Variants in PDE8A observed in about 807,000 individuals in gnomAD.
PDE8A encodes high affinity cAMP-specific and IBMX-insensitive 3',5'-cyclic phosphodiesterase 8A.
A neutral mutation model predicts 105.0 loss-of-function variants in PDE8A; 59 were observed. The ratio of observed to expected loss-of-function variants is 0.56; its 90% CI spans 0.46 to 0.70. The LOEUF is 0.70. Among genes scored for constraint, PDE8A ranks in the 30% least tolerant of loss-of-function variants. The pLI is 0.00. For missense variants in PDE8A, 1,014 were observed against 1,045.9 expected (o/e 0.97, Z 0.42); for synonymous variants, 355 against 371.9 (o/e 0.95, Z 0.52).
chr15:85,017,089 G>A lies in PDE8A; in HGVS notation c.186+34741G>A, dbSNP rs1034664022. Among the ~76,000 whole-genome samples the A allele has an allele frequency of 5.3e-5, 8 of 150,430 alleles. No individual in the cohort carries two copies. The South Asian group carries it at 1.7e-3, about 32-fold the overall frequency. On this transcript the variant is annotated intron_variant, in intron 1 of 21. Transcript: ENST00000394553. ...ATCCTGGCTAACAAGGTGAAACCCC[G>A]TCTCTACTAAAAATACAAAAAATTA...
At chr15:85,064,677 G>C (rs1351329992) in intron 2 of PDE8A, among the ~76,000 whole-genome samples, 1 of 152,152 alleles carries the variant, frequency 6.6e-6, no homozygotes, top group Non-Finnish European at 1.5e-5. Context: ...CAATAGGTCA[G>C]GCACGGTGGC....
At chr15:85,111,257 T>G (rs2082016522) in intron 12 of PDE8A, among the ~76,000 whole-genome samples, 1 of 152,240 alleles carries the variant, frequency 6.6e-6, no homozygotes, top group Admixed American at 6.5e-5. Context: ...CTATTATTAC[T>G]TGCGCTTTTT....
chr15:84,993,727 AT>A (rs149831920), intron 1 of PDE8A, among the ~76,000 whole-genome samples: 11,853 of 151,218 alleles, frequency 0.078, 586 homozygotes, highest in Middle Eastern at 0.15. Context: ...ATAAAAAAAA[AT>A]AATAATAAAT....
chr15:85,012,633 GCACA>G (rs1445939821), intron 1 of PDE8A, among the ~76,000 whole-genome samples: 1 of 151,262 alleles, frequency 6.6e-6, no homozygotes, highest in Non-Finnish European at 1.5e-5. Context: ...CACCAGCATG[GCACA>G]TGTATACATA....
intron 1 of PDE8A, among the ~76,000 whole-genome samples, chr15:85,056,209 T>C (rs537991410): frequency 6.6e-6 from 1 of 152,330 alleles, no homozygotes; most frequent in East Asian, 1.9e-4. Context: ...CCTTTGTGGG[T>C]AACCCGACCT....
intron 5 of PDE8A, among the ~76,000 whole-genome samples, chr15:85,078,590 TC>T (rs2081417585): frequency 6.7e-6 from 1 of 149,796 alleles, no homozygotes; most frequent in Non-Finnish European, 1.5e-5. Flanking sequence ...GAAAAGAACT[TC>T]CTAGAATTTT....
chr15:85,128,612 C>T (rs75652063), intron 20 of PDE8A, among the ~76,000 whole-genome samples: 9,892 of 152,216 alleles, frequency 0.065, 523 homozygotes, highest in African/African-American at 0.13. Context: ...GCAAGCCATA[C>T]TGGAGGAAAA....
chr15:85,014,873 G>T (rs1451328903), intron 1 of PDE8A, among the ~76,000 whole-genome samples: 1 of 152,098 alleles, frequency 6.6e-6, no homozygotes, highest in Non-Finnish European at 1.5e-5. Context: ...ATCCTAGAAT[G>T]TTTTCATCAA....
chr15:85,068,622 C>T (rs992066651), intron 3 of PDE8A, among the ~76,000 whole-genome samples: 1 of 151,116 alleles, frequency 6.6e-6, no homozygotes, highest in Non-Finnish European at 1.5e-5. Flanking sequence ...ATCTAAATTA[C>T]ATGGTGCTTG....
chr15:85,029,416 C>CTT (rs34741081), intron 1 of PDE8A, among the ~76,000 whole-genome samples: 29,195 of 139,552 alleles, frequency 0.21, 3,997 homozygotes, highest in Middle Eastern at 0.34. Flanking sequence ...CCTCACGGGT[C>CTT]TTTTTTTTTT....
At chr15:85,083,881 TA>T (rs1275985931) in intron 6 of PDE8A, among the ~76,000 whole-genome samples, 5 of 152,142 alleles carry the variant, frequency 3.3e-5, no homozygotes, top group Non-Finnish European at 5.9e-5. Context: ...ATAGTAAGTT[TA>T]AAAAGCAGAA....
chr15:85,020,914 A>G (rs1314737336), intron 1 of PDE8A, among the ~76,000 whole-genome samples: 1 of 152,184 alleles, frequency 6.6e-6, no homozygotes. Context: ...TTGTTACAGT[A>G]TTGTTAGTAC....
chr15:85,128,829 G>T (rs2082293763), intron 20 of PDE8A, among the ~76,000 whole-genome samples: 1 of 152,162 alleles, frequency 6.6e-6, no homozygotes, highest in African/African-American at 2.4e-5. Flanking sequence ...AAACCACAGT[G>T]AAATACCACT....
At chr15:85,129,210 A>G (rs555622968) in intron 20 of PDE8A, among the ~76,000 whole-genome samples, 13 of 152,178 alleles carry the variant, frequency 8.5e-5, no homozygotes, top group African/African-American at 3.1e-4. Context: ...TTGGCCTGCA[A>G]TTTTCTTGTA....
At chr15:84,982,378 C>A in intron 1 of PDE8A, 30 bp downstream of exon 1, 1 of 1,281,262 alleles carries the variant, frequency 7.8e-7, no homozygotes, top group Non-Finnish European at 9.9e-7. Context: ...CTGGGGCCGC[C>A]GCGAAACTCG....
At chr15:85,011,532 A>G (rs577182933) in intron 1 of PDE8A, among the ~76,000 whole-genome samples, 33 of 152,352 alleles carry the variant, frequency 2.2e-4, no homozygotes, top group Non-Finnish European at 4.0e-4. Flanking sequence ...AAAACACTCA[A>G]TAAATTGCAG....
At chr15:85,104,509 A>T (rs1027820753) in intron 11 of PDE8A, among the ~76,000 whole-genome samples, 1 of 152,064 alleles carries the variant, frequency 6.6e-6, no homozygotes, top group Non-Finnish European at 1.5e-5. Flanking sequence ...AAGACAAAGT[A>T]ACTCCTGAAT....
intron 5 of PDE8A, among the ~76,000 whole-genome samples, chr15:85,081,597 A>G (rs1254978721): frequency 1.3e-5 from 2 of 152,262 alleles, no homozygotes; most frequent in African/African-American, 4.8e-5. Flanking sequence ...ACCGCTGTTT[A>G]AGCAGAGGGA....
chr15:85,130,754 TAA>T (rs1317470521), intron 20 of PDE8A, among the ~76,000 whole-genome samples: 3 of 152,250 alleles, frequency 2.0e-5, no homozygotes, highest in African/African-American at 7.2e-5. Context: ...TATATGCTTA[TAA>T]TCATTATATC....
Sources: allele counts gnomAD v4.1 joint callset (sites outside exome capture counted in the v4.1 genomes callset), GRCh38; gene constraint gnomAD v4.1.1; transcripts MANE v1.5; gene names NCBI Gene and HGNC (gene_info 2026-07-23, HGNC 2026-07-21).